The following PPP2R1B variants were observed in gnomAD, a reference collection of about 807,000 sequenced individuals.
PPP2R1B encodes the protein protein phosphatase 2 scaffold subunit Abeta.
PPP2R1B carries 58 observed loss-of-function variants against 72.7 expected under a neutral mutation model. The observed-to-expected ratio is 0.80, with a 90% CI of 0.65 to 0.99. PPP2R1B has a LOEUF of 0.99. Among genes scored for constraint, PPP2R1B ranks in the 50% least tolerant of loss-of-function variants. PPP2R1B has a pLI of 0.00. For synonymous variants in PPP2R1B, 256 were observed against 264.6 expected (o/e 0.97, Z 0.32); for missense variants, 695 against 733.6 (o/e 0.95, Z 0.61).
In PPP2R1B at chr11:111,738,417, T is replaced by G. The variant is rs899607413; in HGVS notation, c.*3179A>C. 4.1e-6 allele frequency: 4 copies of G among 985,364 alleles called. No homozygotes were observed. Among genetic ancestry groups the G allele is most frequent in the Non-Finnish European group, 4.8e-6 (4 of 829,966 alleles). The allele number at this position is 985,364 out of a possible 1,614,324, so 61.0% of individuals were successfully genotyped here. ...TGACGTCTAAGGGCAAGCCCCAGCC[T>G]TTCAGTTTAGTGACAACACAACAGT... On this transcript the variant is annotated 3_prime_UTR_variant, in exon 15 of 15. Transcript: ENST00000527614.
At chr11:111,728,555 C>G (rs188376238) in intron 15 of PPP2R1B, 2 of 152,226 alleles carry the variant, frequency 1.3e-5, no homozygotes, top group African/African-American at 4.8e-5. Flanking sequence ...TCCCAAAGTA[C>G]TGGGATTACA....
chr11:111,726,836 A>G (rs1943983604), downstream of PPP2R1B: 1 of 782,892 alleles, frequency 1.3e-6, no homozygotes, highest in African/African-American at 1.7e-5. Context: ...CATCAGCTTC[A>G]TCACCCTGTA....
chr11:111,751,305 A>G (rs1555047854), intron 10 of PPP2R1B, among the ~76,000 whole-genome samples: 1 of 152,198 alleles, frequency 6.6e-6, no homozygotes, highest in African/African-American at 2.4e-5. Flanking sequence ...TTTTCTTCTC[A>G]GTTAAACATT....
intron 5 of PPP2R1B, among the ~76,000 whole-genome samples, chr11:111,757,165 T>G (rs963587385): frequency 6.6e-6 from 1 of 151,384 alleles, no homozygotes; most frequent in Admixed American, 6.6e-5. Flanking sequence ...AATTAGAAAT[T>G]GAGACTGTAG....
rs1240901350 is a variant in PPP2R1B at position 111,745,788 on chromosome 11, T to C, written c.1399+2166A>G. Among the ~76,000 whole-genome samples, 5 of 152,260 alleles carry C rather than the reference T, an allele frequency of 3.3e-5. No homozygotes were observed. The South Asian group carries it at 1.0e-3, about 32-fold the overall frequency. On this transcript the variant is annotated intron_variant, in intron 11 of 14. Coordinates refer to ENST00000527614, the MANE Select transcript of PPP2R1B (RefSeq NM_002716.5). ...TAGGTGAGTGATACTTTCTTCCTTA[T>C]ACTTCTCTGGAATTTTCACAATGTT...
At chr11:111,711,332 A>G in the PPP2R1B span, among the ~76,000 whole-genome samples, 5 of 152,148 alleles carry the variant, frequency 3.3e-5, no homozygotes, top group Non-Finnish European at 7.4e-5. Flanking sequence ...CATGTTAGCC[A>G]GGATGGTCTC....
chr11:111,691,266 A>C, the PPP2R1B span, among the ~76,000 whole-genome samples: 1 of 152,212 alleles, frequency 6.6e-6, no homozygotes, highest in South Asian at 2.1e-4. Context: ...TATAGAAGTC[A>C]GATAAAAATT....
chr11:111,737,607 C>G, downstream of PPP2R1B: 1 of 1,613,364 alleles, frequency 6.2e-7, no homozygotes, highest in Non-Finnish European at 8.5e-7. Context: ...CTGTCCCTGA[C>G]CAGGGCACAT....
chr11:111,710,366 T>G, the PPP2R1B span, among the ~76,000 whole-genome samples: 1 of 152,238 alleles, frequency 6.6e-6, no homozygotes. Context: ...GGGGCATCCA[T>G]ACCATTCTGA....
chr11:111,742,176 A>T, intron 13 of PPP2R1B, 32 bp from the exon 14 acceptor site: 1 of 1,523,236 alleles, frequency 6.6e-7, no homozygotes, highest in Non-Finnish European at 9.1e-7. Flanking sequence ...TGTGAAAGAC[A>T]GTCTAATGGG....
At chr11:111,727,247 G>T (rs1251233729) in intron 15 of PPP2R1B, 2 of 606,744 alleles carry the variant, frequency 3.3e-6, no homozygotes, top group Non-Finnish European at 5.9e-6. Context: ...GAGCATCAGG[G>T]CCCACCAGGG....
chr11:111,691,256 T>C, the PPP2R1B span, among the ~76,000 whole-genome samples: 1 of 152,192 alleles, frequency 6.6e-6, no homozygotes, highest in African/African-American at 2.4e-5. Flanking sequence ...CTTCTAATTA[T>C]ATAGAAGTCA....
At chr11:111,721,164 A>G in the PPP2R1B span, 2 of 1,380,898 alleles carry the variant, frequency 1.4e-6, no homozygotes, top group Admixed American at 5.2e-5. Flanking sequence ...CCAGTCCTGG[A>G]GCAAACAGGC....
the PPP2R1B span, among the ~76,000 whole-genome samples, chr11:111,707,597 C>CA: frequency 6.6e-6 from 1 of 152,278 alleles, no homozygotes; most frequent in African/African-American, 2.4e-5. Flanking sequence ...CCCCTCCTCT[C>CA]AGAGATTTCA....
the PPP2R1B span, chr11:111,701,670 G>A: frequency 2.7e-6 from 4 of 1,474,554 alleles, no homozygotes; most frequent in South Asian, 4.1e-5. The surrounding 1 kb of genome is among the most constrained non-coding windows in gnomAD (Gnocchi z 4.2). Context: ...AAGAGTTTGG[G>A]TGCCAAATAA....
rs905974689 is a variant in PPP2R1B, at chr11:111,746,049, G to A, written c.1399+1905C>T. Among the ~76,000 whole-genome samples the A allele has an allele frequency of 3.9e-5, 6 of 152,192 alleles. No individual in the cohort carries two copies. The East Asian group carries it at 5.8e-4, about 15-fold the overall frequency. On this transcript the variant is annotated intron_variant, in intron 11 of 14. Coordinates refer to ENST00000527614, the MANE Select transcript of PPP2R1B (RefSeq NM_002716.5). ...GCTCCCAAACTGAAAGAGAAAATCC[G>A]AAAAGAGGAAGGAGTAATCAAGTTG...
chr11:111,755,511 G>C, intron 5 of PPP2R1B, 61 bp from the exon 6 acceptor site: 1 of 1,492,198 alleles, frequency 6.7e-7, no homozygotes, highest in East Asian at 2.3e-5. Context: ...AACTGCTGTG[G>C]GGTGGTGCAG....
the PPP2R1B span, among the ~76,000 whole-genome samples, chr11:111,711,480 C>T: frequency 1.3e-5 from 2 of 152,204 alleles, no homozygotes; most frequent in African/African-American, 4.8e-5. Context: ...AGTTAACAAA[C>T]GAGACGTGAG....
intron 15 of PPP2R1B, among the ~76,000 whole-genome samples, chr11:111,731,097 G>A (rs930019764): frequency 3.3e-5 from 5 of 152,368 alleles, no homozygotes; most frequent in East Asian, 3.9e-4. Context: ...ACTGCTAACC[G>A]CAGCCTGCAC....
Sources: allele counts gnomAD v4.1 joint callset (sites outside exome capture counted in the v4.1 genomes callset), GRCh38; gene constraint gnomAD v4.1.1; non-coding constraint Gnocchi (gnomAD v3.1); transcripts MANE v1.5; gene names NCBI Gene and HGNC (gene_info 2026-07-23, HGNC 2026-07-21).